Variants in DACH1 observed in about 807,000 individuals in gnomAD.
DACH1 encodes dachshund family transcription factor 1, also known as dachshund homolog 1.
In DACH1, 12 loss-of-function variants were observed where a neutral mutation model predicts 54.2. The observed-to-expected ratio is 0.22, with a 90% CI of 0.14 to 0.36. DACH1 has a LOEUF of 0.36. Ranked by LOEUF, DACH1 falls within the 10% of genes least tolerant of loss-of-function variation. The pLI is 1.00. For synonymous variants in DACH1, 386 were observed against 366.2 expected, an observed-to-expected ratio of 1.05 and a Z score of -0.62; for missense variants, 805 against 929.8, an observed-to-expected ratio of 0.87 and a Z score of 1.75.
intron 1 of DACH1, among the ~76,000 whole-genome samples, chr13:71,755,803 C>T (rs543152455): frequency 6.6e-6 from 1 of 152,218 alleles, no homozygotes; most frequent in Non-Finnish European, 1.5e-5. Context: ...CACATGAATT[C>T]TAAAAGTATT....
Position 71,526,271 on chromosome 13 carries a change from T to G in DACH1, c.1570+30753A>C, listed in dbSNP as rs538395963. ...TCATCCTTTTACAAATACCATATATTTTACCAGCTGTGCCTTTATATGGAT... is the reference window on the plus strand; with the variant it reads ...TCATCCTTTTACAAATACCATATATGTTACCAGCTGTGCCTTTATATGGAT... On this transcript the variant is annotated intron_variant, in intron 6 of 10. Coordinates refer to ENST00000613252, the MANE Select transcript of DACH1 (RefSeq NM_080759.6). Among the ~76,000 whole-genome samples the G allele has an allele frequency of 2.6e-5, 4 of 152,214 alleles. No homozygotes were observed. The South Asian group carries it at 8.3e-4, about 32-fold the overall frequency.
intron 2 of DACH1, among the ~76,000 whole-genome samples, chr13:71,639,264 T>G (rs1877720325): frequency 6.6e-6 from 1 of 152,166 alleles, no homozygotes; most frequent in African/African-American, 2.4e-5. Flanking sequence ...CTTGAATGAT[T>G]AAATAACCAG....
At chr13:71,703,702 G>A (rs1187154962) in intron 1 of DACH1, among the ~76,000 whole-genome samples, 1 of 152,148 alleles carries the variant, frequency 6.6e-6, no homozygotes, top group East Asian at 1.9e-4. Context: ...AGTAGGGTAA[G>A]GAAACTGCAT....
intron 1 of DACH1, among the ~76,000 whole-genome samples, chr13:71,854,614 CT>C (rs1377761225): frequency 6.6e-6 from 1 of 151,130 alleles, no homozygotes; most frequent in Non-Finnish European, 1.5e-5. Context: ...GTCATAGAAA[CT>C]TCATATCATC....
intron 6 of DACH1, among the ~76,000 whole-genome samples, chr13:71,494,834 G>A (rs1481667298): frequency 6.6e-6 from 1 of 151,972 alleles, no homozygotes; most frequent in Non-Finnish European, 1.5e-5. Flanking sequence ...TAAAAATTAA[G>A]TCACTTATCA....
At chr13:71,617,176 A>AT (rs1458780012) in intron 3 of DACH1, among the ~76,000 whole-genome samples, 3 of 152,028 alleles carry the variant, frequency 2.0e-5, no homozygotes, top group Admixed American at 6.6e-5. Flanking sequence ...GCAGGGTCAA[A>AT]TTTTTTTACA....
At chr13:71,453,384 G>A (rs1875256220) in intron 10 of DACH1, among the ~76,000 whole-genome samples, 1 of 152,098 alleles carries the variant, frequency 6.6e-6, no homozygotes, top group Non-Finnish European at 1.5e-5. Context: ...AGATGCTACA[G>A]AGAAGGAAAA....
At chr13:71,865,795 G>A in intron 1 of DACH1, 127 bp downstream of exon 1, 1 of 1,300,548 alleles carries the variant, frequency 7.7e-7, no homozygotes, top group Non-Finnish European at 9.7e-7. Context: ...GAGAGGAGAG[G>A]GCCGCGCTCG....
intron 1 of DACH1, among the ~76,000 whole-genome samples, chr13:71,766,965 C>T (rs1324835629): frequency 6.6e-6 from 1 of 151,772 alleles, no homozygotes. Context: ...ACAAAGACAA[C>T]AGAGAGGTCT....
intron 6 of DACH1, among the ~76,000 whole-genome samples, chr13:71,520,257 G>C (rs553271255): frequency 6.6e-6 from 1 of 151,446 alleles, no homozygotes; most frequent in Non-Finnish European, 1.5e-5. Flanking sequence ...AGAAGATTAT[G>C]GTAAGAATTA....
intron 3 of DACH1, among the ~76,000 whole-genome samples, chr13:71,606,383 A>G (rs61957849): frequency 0.046 from 6,959 of 152,138 alleles, 265 homozygotes; most frequent in Admixed American, 0.096. Flanking sequence ...GTAGATGTTC[A>G]TCTTAAAATT....
At chr13:71,560,914 A>C (rs1431770642) in intron 4 of DACH1, among the ~76,000 whole-genome samples, 3 of 152,308 alleles carry the variant, frequency 2.0e-5, no homozygotes, top group Admixed American at 2.0e-4. Context: ...AACTATATAA[A>C]GTATGTAGAT....
intron 6 of DACH1, among the ~76,000 whole-genome samples, chr13:71,544,921 TG>T (rs1883361920): frequency 6.6e-6 from 1 of 151,994 alleles, no homozygotes; most frequent in African/African-American, 2.4e-5. Flanking sequence ...GCAGATCAGA[TG>T]GAGCACCAGA....
chr13:71,472,238 T>C (rs1454188480), intron 10 of DACH1, among the ~76,000 whole-genome samples: 3 of 152,224 alleles, frequency 2.0e-5, no homozygotes. Flanking sequence ...CTGCGTACTA[T>C]GAGCTGATTT....
chr13:71,798,251 T>C, intron 1 of DACH1, among the ~76,000 whole-genome samples: 1 of 150,364 alleles, frequency 6.7e-6, no homozygotes, highest in Non-Finnish European at 1.5e-5. Flanking sequence ...CTTTTATCTG[T>C]TTGACTTTTC....
At chr13:71,845,660 G>T (rs978608744) in intron 1 of DACH1, among the ~76,000 whole-genome samples, 1 of 152,150 alleles carries the variant, frequency 6.6e-6, no homozygotes, top group Admixed American at 6.5e-5. Context: ...CAGTATTAAC[G>T]AGATGGAATT....
intron 3 of DACH1, among the ~76,000 whole-genome samples, chr13:71,577,093 C>T (rs1885576843): frequency 6.6e-6 from 1 of 152,074 alleles, no homozygotes; most frequent in South Asian, 2.1e-4. Flanking sequence ...GACTCTCCTC[C>T]AGCTTCATGA....
chr13:71,547,061 G>A (rs960214931), intron 6 of DACH1, among the ~76,000 whole-genome samples: 2 of 151,876 alleles, frequency 1.3e-5, no homozygotes, highest in Non-Finnish European at 2.9e-5. Flanking sequence ...CTGACTGCTC[G>A]CCCTTGCACA....
At chr13:71,660,666 T>C (rs979016329) in intron 2 of DACH1, among the ~76,000 whole-genome samples, 1 of 152,008 alleles carries the variant, frequency 6.6e-6, no homozygotes, top group Non-Finnish European at 1.5e-5. Context: ...ATATAGTATA[T>C]GGATTCTTAA....
Sources: allele counts gnomAD v4.1 joint callset (sites outside exome capture counted in the v4.1 genomes callset), GRCh38; gene constraint gnomAD v4.1.1; transcripts MANE v1.5; gene names NCBI Gene and HGNC (gene_info 2026-07-23, HGNC 2026-07-21).